AGAP1: variants seen among roughly 807,000 people sequenced by gnomAD.
The protein encoded by AGAP1 is ArfGAP with GTPase domain, ankyrin repeat and PH domain 1.
A neutral mutation model predicts 105.3 loss-of-function variants in AGAP1; 29 were observed. That is an observed-to-expected ratio of 0.28 (90% confidence interval 0.21 to 0.38). AGAP1 has a LOEUF of 0.38. Ranked by LOEUF, AGAP1 falls within the 10% of genes least tolerant of loss-of-function variation. AGAP1 has a pLI of 1.00. For missense variants in AGAP1, 998 were observed against 1,165.1 expected (o/e 0.86, Z 2.09); for synonymous variants, 509 against 485.9 (o/e 1.05, Z -0.63).
rs573461493 is a variant in AGAP1, at chr2:235,887,521, T to C, written c.1155+4072T>C. Among the ~76,000 whole-genome samples, 4 of 152,356 alleles carry C rather than the reference T, an allele frequency of 2.6e-5. No individual in the cohort carries two copies. The highest frequency in any genetic ancestry group is 5.9e-5 in the Non-Finnish European group (4 of 68,032). On this transcript the variant is annotated intron_variant, in intron 10 of 17. Transcript: ENST00000304032. The surrounding 1 kb of genome is among the most constrained non-coding windows in gnomAD (Gnocchi z 4.1). Reference sequence around the variant, plus strand: ...TGTTTTACACTAGAGGAAAATGTTATCTGGTTTCTGAGAACACTATTCTCA... The same window carrying C: ...TGTTTTACACTAGAGGAAAATGTTACCTGGTTTCTGAGAACACTATTCTCA...
At chr2:235,943,661 TG>T (rs1437506227) in intron 12 of AGAP1, among the ~76,000 whole-genome samples, 6 of 152,090 alleles carry the variant, frequency 3.9e-5, no homozygotes, top group Non-Finnish European at 7.4e-5. Flanking sequence ...CTTAAAATTT[TG>T]GGGGGTATCG....
rs377524867 is a variant in AGAP1, at chr2:235,803,148, A to G, written c.957+3626A>G. Among the ~76,000 whole-genome samples the G allele has an allele frequency of 2.1e-3, 125 of 60,802 alleles. 1 individual carries two copies. In the East Asian group the frequency reaches 0.05, roughly 24 times the overall value. The allele number at this position is 60,802 out of a possible 152,430, so 39.9% of individuals were successfully genotyped here. ...GATGGTTGTGGTGATGGTGATGGTC[A>G]TGATGGTGATGATGGTTGTGGTTGT... is the stretch of plus-strand genomic sequence containing the variant. On this transcript the variant is annotated intron_variant, in intron 8 of 17. Transcript: ENST00000304032.
At position 235,577,448 on chromosome 2, in the gene AGAP1, T is replaced by C. The variant is rs1159347026; in HGVS notation, c.163+82599T>C. On this transcript the variant is annotated intron_variant, in intron 1 of 17. Coordinates refer to ENST00000304032, the MANE Select transcript of AGAP1 (RefSeq NM_001037131.3). The surrounding 1 kb of genome is among the most constrained non-coding windows in gnomAD (Gnocchi z 4.5). ...TTCTCTTGACCTTCTGCCCAAAGCC[T>C]TTGCCAGATGAGACACTGCCTCTCG... Among the ~76,000 whole-genome samples, 1 of 152,132 alleles carries C rather than the reference T, an allele frequency of 6.6e-6. No homozygotes were observed. Among genetic ancestry groups the C allele is most frequent in the African/African-American group, 2.4e-5 (1 of 41,414 alleles).
chr2:235,749,504 A>AG (rs910106177), intron 5 of AGAP1, among the ~76,000 whole-genome samples: 2 of 151,980 alleles, frequency 1.3e-5, no homozygotes, highest in East Asian at 1.9e-4. Context: ...TGTGACCCTG[A>AG]GGGGGTCCAT....
rs1488562134 is a variant in AGAP1, at chr2:235,692,660, G to T, written c.164-16519G>T. On this transcript the variant is annotated intron_variant, in intron 1 of 17. Coordinates refer to ENST00000304032, the MANE Select transcript of AGAP1 (RefSeq NM_001037131.3). This position sits in a 1 kb window ranked among gnomAD's most constrained non-coding sequence, Gnocchi z 5.8. ...CCCCTCGCTGACCCTCAGCCCTCAGGCCCAGCACCTCAGAGAAGCCGATGA... is the reference window on the plus strand; with the variant it reads ...CCCCTCGCTGACCCTCAGCCCTCAGTCCCAGCACCTCAGAGAAGCCGATGA... 6.6e-6 allele frequency among the ~76,000 whole-genome samples: 1 copy of T among 151,914 alleles called. No homozygotes were observed. Among genetic ancestry groups the T allele is most frequent in the Non-Finnish European group, 1.5e-5 (1 of 67,988 alleles).
At position 235,929,173 on chromosome 2, in the gene AGAP1, G is replaced by A. The variant is rs148690519; in HGVS notation, c.1325-1592G>A. On this transcript the variant is annotated intron_variant, in intron 11 of 17. Transcript: ENST00000304032. ...GCCCCTTGGATGCCAGTGGTCTGCC[G>A]TGGTGGAGTTTTGATTGTGATTTTT... Among the ~76,000 whole-genome samples the A allele has an allele frequency of 6.8e-3, 1,030 of 152,308 alleles. 6 individuals carry two copies. The highest frequency in any genetic ancestry group is 0.023 in the African/African-American group (942 of 41,560).
intron 9 of AGAP1, among the ~76,000 whole-genome samples, chr2:235,880,912 C>A (rs1053639313): frequency 2.0e-5 from 3 of 152,124 alleles, no homozygotes; most frequent in African/African-American, 7.2e-5. Flanking sequence ...CAAGGAAGCC[C>A]TTATTGTCTT....
chr2:236,023,636 G>A (rs543370071), intron 13 of AGAP1, among the ~76,000 whole-genome samples: 3 of 152,218 alleles, frequency 2.0e-5, no homozygotes, highest in East Asian at 1.9e-4. Flanking sequence ...GTATTGTCCC[G>A]TCTTTTCGGT....
At position 235,872,041 on chromosome 2, in the gene AGAP1, C is replaced by T. The variant is rs368980393; in HGVS notation, c.1051-11304C>T. Among the ~76,000 whole-genome samples the T allele has an allele frequency of 1.9e-3, 287 of 152,232 alleles. No homozygotes were observed. Among genetic ancestry groups the T allele is most frequent in the Non-Finnish European group, 3.4e-3 (231 of 68,024 alleles). ...ATGAAATGAGAATCGTCGTGGATAT[C>T]AGTTGTGATTGCAGTTGATGAAATA... On this transcript the variant is annotated intron_variant, in intron 9 of 17. Transcript: ENST00000304032. The surrounding 1 kb of genome is among the most constrained non-coding windows in gnomAD (Gnocchi z 4.5).
intron 1 of AGAP1, among the ~76,000 whole-genome samples, chr2:235,548,933 T>C (rs993912248): frequency 6.6e-6 from 1 of 152,184 alleles, no homozygotes; most frequent in African/African-American, 2.4e-5. Flanking sequence ...CCTTTGGCTG[T>C]GTTTGTACCT....
At chr2:235,563,103 C>T (rs1407909984) in intron 1 of AGAP1, among the ~76,000 whole-genome samples, 1 of 152,164 alleles carries the variant, frequency 6.6e-6, no homozygotes, top group African/African-American at 2.4e-5. Context: ...CCTGGGGCTG[C>T]TGTGGGGAGT....
chr2:235,614,894 T>G lies in AGAP1; in HGVS notation c.164-94285T>G, dbSNP rs1946258579. Among the ~76,000 whole-genome samples the G allele has an allele frequency of 6.6e-6, 1 of 152,222 alleles. No homozygotes were observed. Among genetic ancestry groups the G allele is most frequent in the Non-Finnish European group, 1.5e-5 (1 of 68,048 alleles). ...GATGTTTTCTCTACTCAGGGCCCAA[T>G]GCCGTATGTGATATTTTACAACAAA... On this transcript the variant is annotated intron_variant, in intron 1 of 17. Transcript: ENST00000304032. The surrounding 1 kb of genome is among the most constrained non-coding windows in gnomAD (Gnocchi z 4.7).
intron 1 of AGAP1, among the ~76,000 whole-genome samples, chr2:235,497,841 C>T (rs996259561): frequency 6.6e-6 from 1 of 152,112 alleles, no homozygotes; most frequent in Non-Finnish European, 1.5e-5. Context: ...CGTGATCCAC[C>T]CACCTTGGCC....
chr2:235,838,587 G>T (rs1333538110), intron 9 of AGAP1, among the ~76,000 whole-genome samples: 1 of 152,234 alleles, frequency 6.6e-6, no homozygotes, highest in Admixed American at 6.5e-5. Flanking sequence ...ACCATCAGTA[G>T]TTATAAAAAG....
chr2:235,603,967 G>A (rs566412730), intron 1 of AGAP1, among the ~76,000 whole-genome samples: 37 of 152,070 alleles, frequency 2.4e-4, no homozygotes, highest in African/African-American at 7.5e-4. Flanking sequence ...AATGACACAC[G>A]GTGACTCTGG....
intron 15 of AGAP1, among the ~76,000 whole-genome samples, chr2:236,047,090 C>A (rs2057742932): frequency 6.6e-6 from 1 of 151,816 alleles, no homozygotes; most frequent in East Asian, 2.0e-4. Context: ...GATTGTGCCA[C>A]CACAAGAGAC....
intron 1 of AGAP1, among the ~76,000 whole-genome samples, chr2:235,526,376 G>T (rs1454932068): frequency 6.6e-6 from 1 of 152,222 alleles, no homozygotes; most frequent in Non-Finnish European, 1.5e-5. Context: ...CCATGGGAGA[G>T]GGTATGGGAA....
rs1949439017 is a variant in AGAP1, at chr2:235,686,643, A to ATATATG, written c.164-22534_164-22533insTATGTA. 2.6e-4 allele frequency among the ~76,000 whole-genome samples: 10 copies of ATATATG among 39,136 alleles called. 1 individual carries two copies. Among genetic ancestry groups the ATATATG allele is most frequent in the South Asian group, 1.6e-3 (2 of 1,276 alleles). The allele number at this position is 39,136 out of a possible 152,430, so 25.7% of individuals were successfully genotyped here. On this transcript the variant is annotated intron_variant, in intron 1 of 17. Transcript: ENST00000304032. ...TAGATATATATATATATATATATAT[A>ATATATG]TAGATATATATATATATATATATTT...
Position 235,729,047 on chromosome 2 carries a change from T to TCA in AGAP1, c.310+11404_310+11405dup, listed in dbSNP as rs1418670126. On this transcript the variant is annotated intron_variant, in intron 3 of 17. Transcript: ENST00000304032. The surrounding 1 kb of genome is among the most constrained non-coding windows in gnomAD (Gnocchi z 5.0). ...TGGCCAGGCAGAGGCATGATAAGAGTCAGAGTGGCTGGGCTCCAGGGCTCC... is the reference window on the plus strand; with the variant it reads ...TGGCCAGGCAGAGGCATGATAAGAGTCACAGAGTGGCTGGGCTCCAGGGCTCC... Among the ~76,000 whole-genome samples, 1 of 151,608 alleles carries TCA rather than the reference T, an allele frequency of 6.6e-6. No individual in the cohort carries two copies. Among genetic ancestry groups the TCA allele is most frequent in the Non-Finnish European group, 1.5e-5 (1 of 67,906 alleles).
Sources: gnomAD v4.1 joint callset for allele counts (sites outside exome capture counted in the v4.1 genomes callset) on GRCh38, gnomAD v4.1.1 for gene constraint, Gnocchi (gnomAD v3.1) non-coding constraint, MANE v1.5 for transcripts, NCBI Gene and HGNC (gene_info 2026-07-23, HGNC 2026-07-21) for gene names.